Variants in RPL11 observed in about 807,000 individuals in gnomAD.
RPL11 encodes ribosomal protein L11, also known as large ribosomal subunit protein uL5.
RPL11 carries 3 observed loss-of-function variants against 24.1 expected under a neutral mutation model. The observed-to-expected ratio is 0.12, with a 90% confidence interval of 0.06 to 0.32. RPL11 has a LOEUF of 0.32. Ranked by LOEUF, RPL11 falls within the 10% of genes least tolerant of loss-of-function variation. The probability of loss-of-function intolerance (pLI) is 1.00; values close to 1 mark genes in which losing one functional copy is unlikely to be tolerated. For synonymous variants in RPL11, 96 were observed against 75.7 expected (o/e 1.27, Z -1.39); for missense variants, 146 against 225.7 (o/e 0.65, Z 2.26).
intron 1 of RPL11, 148 bp from the exon 2 acceptor site, chr1:23,692,461 T>C (rs182840394): frequency 1.0e-6 from 1 of 958,976 alleles, no homozygotes; most frequent in East Asian, 2.6e-5. Context: ...CTTCCCTTGA[T>C]GTCCCCTAAA....
rs72870597 is a variant in RPL11 at position 23,691,897 on chromosome 1, G to T, written c.6+68G>T. On this transcript the variant is annotated intron_variant, in intron 1 of 5. Transcript: ENST00000643754. Reference sequence around the variant, plus strand: ...CATCCATGGCAGGCCGAGCCTGCGGGGGCTACTTCGCCCGCAGCCCGAGGA... The same window carrying T: ...CATCCATGGCAGGCCGAGCCTGCGGTGGCTACTTCGCCCGCAGCCCGAGGA... 5.0e-3 allele frequency: 8,011 copies of T among 1,605,238 alleles called. 284 individuals carry two copies. In the African/African-American group the frequency reaches 0.079, roughly 16 times the overall value.
chr1:23,692,149 G>A (rs1221360163), intron 1 of RPL11: 8 of 528,660 alleles, frequency 1.5e-5, no homozygotes, highest in Non-Finnish European at 2.7e-5. Context: ...GGGGACTTGA[G>A]ACTTGCTCGG....
chr1:23,696,022 A>ATATTG (rs1399321796), intron 5 of RPL11, 114 bp downstream of exon 5: 2 of 1,072,576 alleles, frequency 1.9e-6, no homozygotes, highest in African/African-American at 3.1e-5. Flanking sequence ...TAAAGTTAGA[A>ATATTG]TATTGGGCAT....
chr1:23,692,142 G>A, intron 1 of RPL11: 1 of 534,690 alleles, frequency 1.9e-6, no homozygotes, highest in Non-Finnish European at 3.4e-6. Flanking sequence ...TGGTCCCGGG[G>A]ACTTGAGACT....
Position 23,692,659 on chromosome 1 carries a change from A to C in RPL11, c.57A>C (p.Lys19Asn). Residue 19 changes from lysine to asparagine, a missense_variant, in exon 2 of 6, where the codon AAA becomes AAC. By Grantham distance (94) the Lys-to-Asn change is moderately conservative. Coordinates refer to ENST00000643754, the MANE Select transcript of RPL11 (RefSeq NM_000975.5). ...CCATGCGGGAACTTCGCATCCGCAA[A>C]CTCTGTCTCAACATCTGTGTTGGGG... The part of the protein sequence containing the change: ...ENPMRELRIR[K>N]LCLNICVGES... 2 of 1,614,106 alleles carry C rather than the reference A, an allele frequency of 1.2e-6. No homozygotes were observed. The highest frequency in any genetic ancestry group is 1.1e-5 in the South Asian group (1 of 91,080).
In RPL11 at chr1:23,693,544, G is replaced by T. The variant is rs6682672; in HGVS notation, c.158-263G>T. Among the ~76,000 whole-genome samples the T allele has an allele frequency of 8.2e-3, 1,253 of 152,306 alleles. 13 individuals carry two copies. Among genetic ancestry groups the T allele is most frequent in the African/African-American group, 0.027 (1,128 of 41,550 alleles). On this transcript the variant is annotated intron_variant, in intron 2 of 5. Coordinates refer to ENST00000643754, the MANE Select transcript of RPL11 (RefSeq NM_000975.5). ...GTGGCTTCTTCGGCCTATTCTGGTT[G>T]TGACCTTGCCCTTCCTGGAACTTCG...
chr1:23,692,781 C>T, intron 2 of RPL11, 22 bp downstream of exon 2: 2 of 1,612,352 alleles, frequency 1.2e-6, no homozygotes, highest in Non-Finnish European at 8.5e-7. Context: ...CAAGGACATA[C>T]AGGGTTTGCC....
At chr1:23,695,716 G>T (rs1420441378) in intron 4 of RPL11, 82 bp from the exon 5 acceptor site, 4 of 1,286,270 alleles carry the variant, frequency 3.1e-6, no homozygotes, top group Non-Finnish European at 4.4e-6. Flanking sequence ...ACTCTTTGAA[G>T]ATCTGTCTGT....
At chr1:23,696,164 G>T (rs1644531819) in intron 5 of RPL11, among the ~76,000 whole-genome samples, 180 bp from the exon 6 acceptor site, 2 of 152,140 alleles carry the variant, frequency 1.3e-5, no homozygotes, top group Admixed American at 6.5e-5. Flanking sequence ...CCCTTTCTCA[G>T]ATGATAGTGC....
rs1644534143 is a variant in RPL11, at chr1:23,696,600, A to T, written c.*227A>T. The T allele has an allele frequency of 1.7e-6, 1 of 605,048 alleles. No individual in the cohort carries two copies. The allele number at this position is 605,048 out of a possible 1,614,324, so 37.5% of individuals were successfully genotyped here. A position where few individuals can be genotyped will look rare whatever the true frequency, so the allele number is the denominator to read the frequency against. ...ATAGCATTCATTGCCTGTGCTTGCC[A>T]CACCTTGGTTGATGTGCTGTGGTGC... On this transcript the variant is annotated 3_prime_UTR_variant, in exon 6 of 6. Coordinates refer to ENST00000643754, the MANE Select transcript of RPL11 (RefSeq NM_000975.5).
chr1:23,691,982 C>A (rs528021060), intron 1 of RPL11, 153 bp downstream of exon 1: 1 of 1,047,258 alleles, frequency 9.5e-7, no homozygotes, highest in Admixed American at 1.8e-5. Context: ...GCCAAGGACG[C>A]AGGGTTGAAT....
chr1:23,695,949 G>A (rs1328339988), intron 5 of RPL11, 41 bp downstream of exon 5: 1 of 1,530,114 alleles, frequency 6.5e-7, no homozygotes, highest in Admixed American at 2.0e-5. Flanking sequence ...GGAATGTGAT[G>A]TTGGTGAATG....
Position 23,695,892 on chromosome 1 carries a change from G to T in RPL11, c.491G>T (p.Arg164Leu), listed in dbSNP as rs749610453. ...AGAATCAGCAAAGAGGAGGCCATGC[G>T]CTGGTTCCAGCAGAAGGTAAAGCTG... ...KHRISKEEAMRWFQQKYDGII... is the reference protein window; with the variant it reads ...KHRISKEEAMLWFQQKYDGII... Residue 164 changes from arginine to leucine, a missense_variant, in exon 5 of 6, where the codon CGC becomes CTC. Physicochemically the swap from Arg to Leu is moderately radical, Grantham distance 102. Transcript: ENST00000643754. 3.8e-6 allele frequency: 6 copies of T among 1,583,506 alleles called. No individual in the cohort carries two copies. Among genetic ancestry groups the T allele is most frequent in the Non-Finnish European group, 5.2e-6 (6 of 1,164,274 alleles).
At chr1:23,693,940 T>A in intron 3 of RPL11, 27 bp downstream of exon 3, 1 of 1,508,250 alleles carries the variant, frequency 6.6e-7, no homozygotes, top group Non-Finnish European at 9.2e-7. Flanking sequence ...AATGGAGTGA[T>A]ATTGATCAGC....
chr1:23,693,804 C>T lies in RPL11; in HGVS notation c.158-3C>T. ...CTGACTCCTTGTTACCCACTTCCTG[C>T]AGCTAGATACACTGTCAGATCCTTT... is the stretch of plus-strand genomic sequence containing the variant. On this transcript the variant is annotated splice_region_variant and splice_polypyrimidine_tract_variant and intron_variant, in intron 2 of 5. Coordinates refer to ENST00000643754, the MANE Select transcript of RPL11 (RefSeq NM_000975.5). 1.9e-6 allele frequency: 3 copies of T among 1,612,422 alleles called. No individual in the cohort carries two copies. The highest frequency in any genetic ancestry group is 2.5e-6 in the Non-Finnish European group (3 of 1,178,580).
At chr1:23,695,432 A>G (rs764963559) in intron 4 of RPL11, 1 of 310,220 alleles carries the variant, frequency 3.2e-6, no homozygotes, top group Non-Finnish European at 6.2e-6. Context: ...AAGAAAATAT[A>G]TATATTTGTG....
At position 23,696,356 on chromosome 1, in the gene RPL11, A is replaced by G; in HGVS notation, c.520A>G (p.Ile174Val). 6.2e-7 allele frequency: 1 copy of G among 1,614,108 alleles called. No individual in the cohort carries two copies. The highest frequency in any genetic ancestry group is 8.5e-7 in the Non-Finnish European group (1 of 1,179,960). The change falls in exon 6 of 6, where the codon ATC becomes GTC. Residue 174 changes from isoleucine to valine, a missense_variant. Ile to Val is a conservative substitution (Grantham distance 29). Transcript: ENST00000643754. ...RWFQQKYDGI[I>V]LPGK ...TCTTCTCTTTCAGTATGATGGGATC[A>G]TCCTTCCTGGCAAATAAATTCCCGT...
upstream of RPL11, chr1:23,691,796 G>A (rs762005936): frequency 3.4e-5 from 55 of 1,614,118 alleles, no homozygotes; most frequent in South Asian, 5.2e-4. Flanking sequence ...TCGGCCGGAA[G>A]CTCCGCTTTC....
chr1:23,692,720 T>C lies in RPL11; in HGVS notation c.118T>C (p.Leu40=), dbSNP rs1054194215. The C allele has an allele frequency of 1.9e-6, 3 of 1,613,776 alleles. No homozygotes were observed. In the African/African-American group the frequency reaches 4.0e-5, roughly 22 times the overall value. ...GDRLTRAAKV[L]EQLTGQTPVF... ...CAGACTGACGCGAGCAGCCAAGGTG[T>C]TGGAGCAGCTCACAGGGCAGACCCC... The change falls in exon 2 of 6, where the codon TTG becomes CTG. Residue 40 remains leucine, a synonymous_variant. Transcript: ENST00000643754.
Sources: allele counts gnomAD v4.1 joint callset (sites outside exome capture counted in the v4.1 genomes callset), GRCh38; gene constraint gnomAD v4.1.1; transcripts MANE v1.5; gene names NCBI Gene and HGNC (gene_info 2026-07-23, HGNC 2026-07-21).